Variants in RPTOR observed in about 807,000 individuals in gnomAD.
RPTOR encodes the protein regulatory-associated protein of mTOR.
Under a neutral mutation model 169.9 loss-of-function variants are expected in RPTOR, and 21 were observed. That is an observed-to-expected ratio of 0.12 (90% CI 0.09 to 0.18). The LOEUF (loss-of-function observed/expected upper bound fraction) is 0.18, where lower values mean the gene tolerates loss of function less well. Ranked by LOEUF, RPTOR falls within the 10% of genes least tolerant of loss-of-function variation. The probability of loss-of-function intolerance (pLI) is 1.00; values close to 1 mark genes in which losing one functional copy is unlikely to be tolerated. For missense variants in RPTOR, 1,133 were observed against 1,855.9 expected, an observed-to-expected ratio of 0.61 and a Z score of 7.16; for synonymous variants, 732 against 753.2, an observed-to-expected ratio of 0.97 and a Z score of 0.46.
chr17:80,673,902 T>A (rs1333999297), intron 3 of RPTOR, among the ~76,000 whole-genome samples: 1 of 152,256 alleles, frequency 6.6e-6, no homozygotes, highest in African/African-American at 2.4e-5. Flanking sequence ...TTGTTAATTG[T>A]CAGTCCTCTT....
At chr17:80,690,175 A>G (rs907867421) in intron 3 of RPTOR, among the ~76,000 whole-genome samples, 1 of 152,098 alleles carries the variant, frequency 6.6e-6, no homozygotes, top group African/African-American at 2.4e-5. Context: ...TTCAGCTGCC[A>G]GTTCCAGTCT....
rs1253247759 is a variant in RPTOR at position 80,965,773 on chromosome 17, A to T, written c.*1443A>T. 4.3e-6 allele frequency: 1 copy of T among 233,238 alleles called. No homozygotes were observed. The highest frequency in any genetic ancestry group is 2.2e-5 in the African/African-American group (1 of 45,344). The allele number at this position is 233,238 out of a possible 1,614,324, so 14.4% of individuals were successfully genotyped here. On this transcript the variant is annotated 3_prime_UTR_variant, in exon 34 of 34. Transcript: ENST00000306801. ...CCTCAGGGGGCTGAGCTGGAGACTG[A>T]GCTGGGGCTGGCCGGGACGTGACAA... is the stretch of plus-strand genomic sequence containing the variant.
At chr17:80,685,084 C>T (rs2065926758) in intron 3 of RPTOR, among the ~76,000 whole-genome samples, 2 of 146,090 alleles carry the variant, frequency 1.4e-5, no homozygotes, top group South Asian at 2.1e-4. Context: ...TCCCTTCCTA[C>T]CTCAGGATTG....
chr17:80,873,557 G>C (rs926858603), intron 13 of RPTOR, among the ~76,000 whole-genome samples: 1 of 152,316 alleles, frequency 6.6e-6, no homozygotes, highest in Admixed American at 6.5e-5. Flanking sequence ...CCCTGCAAAG[G>C]GTGGGGAGAG....
chr17:80,639,833 T>A (rs1324191589), intron 2 of RPTOR, among the ~76,000 whole-genome samples: 2 of 152,088 alleles, frequency 1.3e-5, no homozygotes, highest in Admixed American at 1.3e-4. Context: ...ATGGATAGGA[T>A]GGGTAATCAA....
intron 4 of RPTOR, among the ~76,000 whole-genome samples, chr17:80,717,254 A>G (rs1352860235): frequency 1.3e-5 from 2 of 152,008 alleles, no homozygotes; most frequent in African/African-American, 2.4e-5. Context: ...GCTTTTTCCC[A>G]GTCTTATGTA....
At chr17:80,841,354 T>A (rs1488672229) in intron 10 of RPTOR, among the ~76,000 whole-genome samples, 1 of 107,776 alleles carries the variant, frequency 9.3e-6, no homozygotes, top group African/African-American at 3.9e-5. Flanking sequence ...GGCAGCTCGC[T>A]CTCTCTGCAC....
chr17:80,915,543 G>A (rs879294103), intron 21 of RPTOR, among the ~76,000 whole-genome samples: 46 of 101,234 alleles, frequency 4.5e-4, no homozygotes, highest in African/African-American at 8.7e-4. Flanking sequence ...AACCAGCTGC[G>A]GAGAGGAGCT....
intron 24 of RPTOR, among the ~76,000 whole-genome samples, chr17:80,932,142 C>T (rs1162008476): frequency 1.4e-5 from 1 of 73,336 alleles, no homozygotes; most frequent in Non-Finnish European, 2.8e-5. Flanking sequence ...CATTTCCAGG[C>T]ATGCATATAT....
chr17:80,678,329 G>T (rs985807481), intron 3 of RPTOR, among the ~76,000 whole-genome samples: 3 of 152,240 alleles, frequency 2.0e-5, no homozygotes, highest in African/African-American at 7.2e-5. Context: ...CACAGGTTGG[G>T]TGTGGTGGCT....
intron 7 of RPTOR, among the ~76,000 whole-genome samples, chr17:80,810,147 CATTT>C (rs1301543629): frequency 6.6e-6 from 1 of 151,972 alleles, no homozygotes; most frequent in Non-Finnish European, 1.5e-5. Flanking sequence ...CCGATTTCAT[CATTT>C]ATTTATTTTA....
intron 12 of RPTOR, among the ~76,000 whole-genome samples, chr17:80,856,015 A>G (rs1428461298): frequency 1.3e-5 from 2 of 152,126 alleles, no homozygotes; most frequent in African/African-American, 4.8e-5. Context: ...CAGAGTAGTA[A>G]TGGCCACTAA....
At chr17:80,800,572 C>T (rs2067146931) in intron 7 of RPTOR, among the ~76,000 whole-genome samples, 1 of 152,114 alleles carries the variant, frequency 6.6e-6, no homozygotes. Context: ...CTTCCTCGAG[C>T]GACCCCCCCA....
chr17:80,586,165 C>T (rs1341221064), intron 1 of RPTOR, among the ~76,000 whole-genome samples: 1 of 152,162 alleles, frequency 6.6e-6, no homozygotes, highest in Non-Finnish European at 1.5e-5. Flanking sequence ...TTTGGTTCAA[C>T]TGGGAAGCCA....
chr17:80,953,503 T>C (rs960764455), intron 28 of RPTOR, among the ~76,000 whole-genome samples: 38 of 152,254 alleles, frequency 2.5e-4, no homozygotes, highest in Non-Finnish European at 4.6e-4. Context: ...CCCTCTGTGC[T>C]TGTGGATCTG....
At chr17:80,565,126 G>C (rs2084563532) in intron 1 of RPTOR, among the ~76,000 whole-genome samples, 1 of 152,204 alleles carries the variant, frequency 6.6e-6, no homozygotes, top group African/African-American at 2.4e-5. Flanking sequence ...CTAGCTTTGT[G>C]TGAGAGTCCC....
In RPTOR at chr17:80,831,778, T is replaced by C. The variant is rs577640607; in HGVS notation, c.1137-6144T>C. Among the ~76,000 whole-genome samples the C allele has an allele frequency of 7.9e-5, 12 of 151,914 alleles. No homozygotes were observed. The East Asian group carries it at 1.4e-3, about 17-fold the overall frequency. On this transcript the variant is annotated intron_variant, in intron 9 of 33. Transcript: ENST00000306801. ...ATCACTATGTATCCCTGTGTGTCAC[T>C]GTGTATCCCTGTGTGTCACCGTGTA... is the stretch of plus-strand genomic sequence containing the variant.
intron 24 of RPTOR, among the ~76,000 whole-genome samples, chr17:80,937,337 C>T (rs1456806168): frequency 1.3e-5 from 2 of 152,196 alleles, no homozygotes; most frequent in African/African-American, 4.8e-5. Context: ...GAAGATAAGA[C>T]TCAGCTCTAA....
intron 21 of RPTOR, among the ~76,000 whole-genome samples, chr17:80,918,962 T>A (rs1236227423): frequency 6.6e-6 from 1 of 151,976 alleles, no homozygotes; most frequent in Admixed American, 6.5e-5. Context: ...CCACAGCAAC[T>A]CCAGAACCTC....
Sources: allele counts gnomAD v4.1 joint callset (sites outside exome capture counted in the v4.1 genomes callset), GRCh38; gene constraint gnomAD v4.1.1; transcripts MANE v1.5; gene names NCBI Gene and HGNC (gene_info 2026-07-23, HGNC 2026-07-21).